The following SACS variants were observed in gnomAD, a reference collection of about 807,000 sequenced individuals.
SACS encodes the protein sacsin molecular chaperone.
A neutral mutation model predicts 348.0 loss-of-function variants in SACS; 197 were observed. The ratio of observed to expected loss-of-function variants is 0.57; its 90% CI spans 0.50 to 0.64. SACS has a LOEUF of 0.64. SACS is among the 30% of genes least tolerant of loss of function. The probability of loss-of-function intolerance (pLI) is 0.00; values close to 1 mark genes in which losing one functional copy is unlikely to be tolerated. For missense variants in SACS, 4,999 were observed against 5,360.8 expected (o/e 0.93, Z 2.11); for synonymous variants, 1,985 against 1,910.6 (o/e 1.04, Z -1.02).
intron 2 of SACS, among the ~76,000 whole-genome samples, chr13:23,379,263 G>A (rs540243977): frequency 1.3e-5 from 2 of 152,320 alleles, no homozygotes; most frequent in South Asian, 4.1e-4. Flanking sequence ...GCACTGACCT[G>A]GGAGGTGTTC....
At chr13:23,411,950 G>A (rs1298580742) in intron 1 of SACS, among the ~76,000 whole-genome samples, 2 of 152,188 alleles carry the variant, frequency 1.3e-5, no homozygotes, top group African/African-American at 4.8e-5. Flanking sequence ...AAACGCACAT[G>A]TGCAGCTACA....
intron 2 of SACS, among the ~76,000 whole-genome samples, chr13:23,404,546 C>A (rs1873121065): frequency 6.6e-6 from 1 of 152,102 alleles, no homozygotes; most frequent in East Asian, 1.9e-4. Flanking sequence ...CACTCCTATT[C>A]AAAATAGTAT....
At chr13:23,359,282 T>C (rs922338755) in intron 6 of SACS, among the ~76,000 whole-genome samples, 1 of 152,206 alleles carries the variant, frequency 6.6e-6, no homozygotes, top group Admixed American at 6.5e-5. Context: ...CATTTTACTA[T>C]ACACACACAC....
intron 2 of SACS, among the ~76,000 whole-genome samples, chr13:23,376,124 G>C (rs1487926021): frequency 3.9e-5 from 6 of 152,162 alleles, no homozygotes; most frequent in Non-Finnish European, 7.3e-5. Flanking sequence ...AGTAAGATCA[G>C]AATGCACATA....
intron 9 of SACS, among the ~76,000 whole-genome samples, chr13:23,352,841 C>G (rs866389925): frequency 2.0e-5 from 3 of 152,276 alleles, no homozygotes; most frequent in Admixed American, 6.5e-5. Context: ...TACTCATTTT[C>G]TTTTACTCTC....
At chr13:23,417,574 T>C (rs1051284078) in intron 1 of SACS, among the ~76,000 whole-genome samples, 1 of 152,084 alleles carries the variant, frequency 6.6e-6, no homozygotes, top group Non-Finnish European at 1.5e-5. Context: ...GTTAACTATA[T>C]GGAAACAAGC....
At chr13:23,402,530 G>A (rs911579380) in intron 2 of SACS, among the ~76,000 whole-genome samples, 1 of 152,150 alleles carries the variant, frequency 6.6e-6, no homozygotes, top group African/African-American at 2.4e-5. Context: ...AGTTCAATAG[G>A]AATCTGTTCC....
intron 6 of SACS, among the ~76,000 whole-genome samples, chr13:23,358,905 C>T (rs1448216619): frequency 6.6e-6 from 1 of 152,106 alleles, no homozygotes; most frequent in African/African-American, 2.4e-5. Context: ...GGCGCAGTGG[C>T]TCATGCTTGT....
chr13:23,425,544 A>G (rs1180418053), intron 1 of SACS, among the ~76,000 whole-genome samples: 1 of 152,074 alleles, frequency 6.6e-6, no homozygotes, highest in Non-Finnish European at 1.5e-5. Context: ...CCTTATGTCC[A>G]TGGTGGTGGG....
At position 23,335,158 on chromosome 13, in the gene SACS, T is replaced by G; in HGVS notation, c.8718A>C (p.Arg2906=). The G allele has an allele frequency of 1.2e-6, 2 of 1,613,950 alleles. No homozygotes were observed. The highest frequency in any genetic ancestry group is 1.7e-6 in the Non-Finnish European group (2 of 1,179,886). The change falls in exon 10 of 10, where the codon CGA becomes CGC. Residue 2906 remains arginine, a synonymous_variant. Coordinates refer to ENST00000382292, the MANE Select transcript of SACS (RefSeq NM_014363.6). The surrounding 1 kb of genome is among the most constrained non-coding windows in gnomAD (Gnocchi z 4.7). ...LWRDDNGVGV[R]SDWNNSLMTA... Reference sequence around the variant, plus strand: ...TCATTAAACTGTTATTCCAGTCACTTCGAACACCAACTCCATTATCATCAC... The same window carrying G: ...TCATTAAACTGTTATTCCAGTCACTGCGAACACCAACTCCATTATCATCAC...
rs2137586506 is a variant in SACS, at chr13:23,334,744, A to G, written c.9132T>C (p.Asn3044=). The change falls in exon 10 of 10, where the codon AAT becomes AAC. Residue 3044 remains asparagine (N), a synonymous_variant. Transcript: ENST00000382292. ...CTGCTACTGTTTTGCGTGTGGTGAT[A>G]TTATAATCTGCATTTTTAAGGTGTT... The part of the protein sequence containing the change: ...ELQHLKNADY[N]ITTRKTVAEN... The G allele has an allele frequency of 6.2e-7, 1 of 1,613,788 alleles. No homozygotes were observed. The highest frequency in any genetic ancestry group is 8.5e-7 in the Non-Finnish European group (1 of 1,179,772).
Position 23,337,538 on chromosome 13 carries a change from A to C in SACS, c.6338T>G (p.Leu2113Trp). ...EGHPLVLPSR[L>W]IHPEGRVAKL... ...TGCAACTCGTCCTTCGGGGTGGATCAATCTTGATGGCAAAACCAAAGGATG... is the reference window on the plus strand; with the variant it reads ...TGCAACTCGTCCTTCGGGGTGGATCCATCTTGATGGCAAAACCAAAGGATG... The change falls in exon 10 of 10, where the codon TTG becomes TGG. Residue 2113 changes from leucine (L) to tryptophan (W), a missense_variant. Leu to Trp is a moderately conservative substitution (Grantham distance 61, BLOSUM62 -2). Around this residue, in one of 6 missense-constraint regions of SACS, gnomAD observed 3,156 missense variants for 3,380.1 expected, o/e 0.93. Transcript: ENST00000382292. 6.2e-7 allele frequency: 1 copy of C among 1,614,050 alleles called. No homozygotes were observed. The highest frequency in any genetic ancestry group is 1.1e-5 in the South Asian group (1 of 91,070).
Position 23,331,741 on chromosome 13 carries a change from C to A in SACS, c.12135G>T (p.Leu4045Phe). The change falls in exon 10 of 10, where the codon TTG becomes TTT. Residue 4045 changes from leucine (L) to phenylalanine (F), a missense_variant. Physicochemically the swap from Leu to Phe is conservative, Grantham distance 22. This residue lies in a region of SACS where 831 missense variants were observed against 941.8 expected (regional missense o/e 0.88). Transcript: ENST00000382292. ...IRLCKALREG[L>F]KVSCFEKLQT... ...GAAGCTTTTCAAAGCAGGATACTTT[C>A]AATCCTTCTCTTAGGGCTTTGCAAA... The A allele has an allele frequency of 6.2e-7, 1 of 1,613,956 alleles. No individual in the cohort carries two copies. The highest frequency in any genetic ancestry group is 8.5e-7 in the Non-Finnish European group (1 of 1,179,940).
At chr13:23,342,034 G>A (rs139129872) in intron 9 of SACS, among the ~76,000 whole-genome samples, 2,515 of 151,964 alleles carry the variant, frequency 0.017, 74 homozygotes, top group African/African-American at 0.057. Flanking sequence ...TGACCCACCC[G>A]CCTTGGCCTC....
At chr13:23,389,221 A>G (rs1265501136) in intron 2 of SACS, among the ~76,000 whole-genome samples, 5 of 152,070 alleles carry the variant, frequency 3.3e-5, no homozygotes, top group African/African-American at 1.2e-4. Context: ...GTGTATATAT[A>G]TAGCCTGTGT....
At position 23,339,385 on chromosome 13, in the gene SACS, A is replaced by C. The variant is rs1056501976; in HGVS notation, c.4491T>G (p.Ile1497Met). The C allele has an allele frequency of 1.9e-6, 3 of 1,612,322 alleles. No individual in the cohort carries two copies. Among genetic ancestry groups the C allele is most frequent in the Admixed American group, 1.7e-5 (1 of 59,712 alleles). ...DANATECSFL[I>M]DMRRNMDIRE... ...TTATGTCCATATTTCTTCTCATATCAATCAAGAAACTGCATTCTGTTGCAT... is the reference window on the plus strand; with the variant it reads ...TTATGTCCATATTTCTTCTCATATCCATCAAGAAACTGCATTCTGTTGCAT... The change falls in exon 10 of 10, where the codon ATT becomes ATG. Residue 1497 changes from isoleucine to methionine, a missense_variant. Physicochemically the swap from Ile to Met is conservative, Grantham distance 10. Around this residue, in one of 6 missense-constraint regions of SACS, gnomAD observed 3,156 missense variants for 3,380.1 expected, o/e 0.93. Transcript: ENST00000382292.
In SACS at chr13:23,340,960, TTCA is replaced by T; in HGVS notation, c.2913_2915del (p.Asp971del). The T allele has an allele frequency of 6.2e-7, 1 of 1,614,082 alleles. No homozygotes were observed. Among genetic ancestry groups the T allele is most frequent in the East Asian group, 2.2e-5 (1 of 44,870 alleles). ...ACATGTTTGCCAGACGAATAGTAGCTTCATCACTACTGTCTATTACTGAAATAG... is the reference window on the plus strand; with the variant it reads ...ACATGTTTGCCAGACGAATAGTAGCTTCACTACTGTCTATTACTGAAATAG... On this transcript the variant is annotated inframe_deletion, in exon 10 of 10. Coordinates refer to ENST00000382292, the MANE Select transcript of SACS (RefSeq NM_014363.6).
At chr13:23,358,592 A>C in intron 6 of SACS, 111 bp from the exon 7 acceptor site, 3 of 1,070,202 alleles carry the variant, frequency 2.8e-6, no homozygotes, top group Non-Finnish European at 4.2e-6. Context: ...AATAGAGAGG[A>C]GTGAATAGAG....
In SACS at chr13:23,354,704, C is replaced by T. The variant is rs758017143; in HGVS notation, c.1908G>A (p.Arg636=). 6.2e-7 allele frequency: 1 copy of T among 1,613,968 alleles called. No homozygotes were observed. Among genetic ancestry groups the T allele is most frequent in the South Asian group, 1.1e-5 (1 of 91,062 alleles). The part of the protein sequence containing the change: ...VTPAWVRQVL[R]KCAHLGCAEE... Reference sequence around the variant, plus strand: ...CAGCACAGCCCAGGTGTGCACACTTCCGCAGCACCTGCCGCACCCACGCGG... The same window carrying T: ...CAGCACAGCCCAGGTGTGCACACTTTCGCAGCACCTGCCGCACCCACGCGG... The change falls in exon 8 of 10, where the codon CGG becomes CGA. Residue 636 remains arginine (R), a synonymous_variant. Transcript: ENST00000382292.
Sources: gnomAD v4.1 joint callset for allele counts (sites outside exome capture counted in the v4.1 genomes callset) on GRCh38, gnomAD v4.1.1 for gene constraint, gnomAD v4.1.1 regional missense constraint, Gnocchi (gnomAD v3.1) non-coding constraint, MANE v1.5 for transcripts, NCBI Gene and HGNC (gene_info 2026-07-23, HGNC 2026-07-21) for gene names.